Variants in NREP observed in about 807,000 individuals in gnomAD.
NREP encodes neuronal regeneration-related protein.
In NREP, 5 loss-of-function variants were observed where a neutral mutation model predicts 8.6. That is an observed-to-expected ratio of 0.58 (90% CI 0.30 to 1.22). The LOEUF is 1.22. Among genes scored for constraint, NREP ranks in the 50% most tolerant of loss-of-function variants. The probability of loss-of-function intolerance (pLI) is 0.07; values close to 1 mark genes in which losing one functional copy is unlikely to be tolerated. For missense variants in NREP, 86 were observed against 82.5 expected (o/e 1.04, Z -0.17); for synonymous variants, 27 against 28.0 (o/e 0.96, Z 0.11).
chr5:111,923,256 A>G (rs1755295741), intron 2 of NREP, among the ~76,000 whole-genome samples: 1 of 152,202 alleles, frequency 6.6e-6, no homozygotes, highest in African/African-American at 2.4e-5. Context: ...ATACTTTTAA[A>G]GATTCAGGGT....
At chr5:111,755,492 T>C in intron 2 of NREP, 1 of 436,434 alleles carries the variant, frequency 2.3e-6, no homozygotes, top group East Asian at 4.2e-5. Context: ...AAGAACCGAA[T>C]AGTTTCTGTT....
chr5:111,793,729 T>C (rs1397679923), intron 2 of NREP, among the ~76,000 whole-genome samples: 1 of 152,176 alleles, frequency 6.6e-6, no homozygotes, highest in Non-Finnish European at 1.5e-5. Context: ...TTACGCTCAA[T>C]GAATGCTAAG....
intron 1 of NREP, among the ~76,000 whole-genome samples, chr5:111,976,539 C>T (rs867682157): frequency 1.8e-4 from 28 of 152,266 alleles, no homozygotes; most frequent in African/African-American, 3.4e-4. Flanking sequence ...AATAAATGAA[C>T]GAATTACATA....
chr5:111,818,608 A>C (rs1286416389), intron 2 of NREP, among the ~76,000 whole-genome samples: 5 of 152,252 alleles, frequency 3.3e-5, no homozygotes, highest in Admixed American at 2.6e-4. Flanking sequence ...ACTCTGAAGA[A>C]GAGATATTGG....
At chr5:111,914,622 C>G (rs115835812) in intron 2 of NREP, among the ~76,000 whole-genome samples, 1 of 151,900 alleles carries the variant, frequency 6.6e-6, no homozygotes, top group Non-Finnish European at 1.5e-5. Flanking sequence ...CTCCTTTTTT[C>G]GTTGTACTCT....
At chr5:111,733,432 G>A (rs1748795694) in intron 3 of NREP, 1 of 151,968 alleles carries the variant, frequency 6.6e-6, no homozygotes, top group Non-Finnish European at 1.5e-5. Flanking sequence ...TTCTCCCTAT[G>A]GAGTCCTGCA....
At chr5:111,881,041 G>A (rs1328789247) in intron 2 of NREP, among the ~76,000 whole-genome samples, 1 of 152,256 alleles carries the variant, frequency 6.6e-6, no homozygotes, top group Non-Finnish European at 1.5e-5. Context: ...CACTCGGGAA[G>A]CGTAAGAGAT....
chr5:111,753,242 G>A (rs1750477976), intron 2 of NREP, among the ~76,000 whole-genome samples: 1 of 151,222 alleles, frequency 6.6e-6, no homozygotes. Flanking sequence ...ACAACTTTAT[G>A]TAAATAGCAC....
chr5:111,731,683 C>T (rs1748595544), intron 3 of NREP: 1 of 152,274 alleles, frequency 6.6e-6, no homozygotes, highest in African/African-American at 2.4e-5. Flanking sequence ...GAAACCAAGG[C>T]CAGAAGAGAG....
chr5:111,848,342 T>C (rs1043483261), intron 2 of NREP, among the ~76,000 whole-genome samples: 2 of 152,216 alleles, frequency 1.3e-5, no homozygotes, highest in African/African-American at 4.8e-5. Flanking sequence ...CACAGACTAA[T>C]GCTAAAGCTT....
intron 2 of NREP, among the ~76,000 whole-genome samples, chr5:111,825,895 G>A (rs1012613423): frequency 2.0e-5 from 3 of 151,866 alleles, no homozygotes; most frequent in Non-Finnish European, 4.4e-5. Flanking sequence ...GTGGCACCTA[G>A]GTCATATGAC....
chr5:111,881,982 A>G (rs1754090005), intron 2 of NREP, among the ~76,000 whole-genome samples: 1 of 152,248 alleles, frequency 6.6e-6, no homozygotes, highest in Non-Finnish European at 1.5e-5. Flanking sequence ...TGGACAGAGA[A>G]TGACTTTGAC....
Position 111,929,052 on chromosome 5 carries a change from A to G in NREP, c.135+46222T>C, listed in dbSNP as rs536785189. Among the ~76,000 whole-genome samples, 276 of 152,280 alleles carry G rather than the reference A, an allele frequency of 1.8e-3. 1 individual carries two copies. The highest frequency in any genetic ancestry group is 6.0e-3 in the African/African-American group (250 of 41,558). On this transcript the variant is annotated intron_variant, in intron 2 of 3. Coordinates refer to the NREP transcript ENST00000395634. ...AGTGTTTTAGCAAATCAGTACTAAT[A>G]TGGTGGAATGGGTAACACTCTTCTC...
chr5:111,958,875 G>A (rs1756401500), intron 2 of NREP, among the ~76,000 whole-genome samples: 1 of 151,826 alleles, frequency 6.6e-6, no homozygotes, highest in African/African-American at 2.4e-5. Flanking sequence ...CACATAGCAA[G>A]ACATCAAAAA....
intron 2 of NREP, among the ~76,000 whole-genome samples, chr5:111,811,371 T>G (rs1752265595): frequency 1.3e-5 from 2 of 152,220 alleles, no homozygotes; most frequent in Non-Finnish European, 2.9e-5. Flanking sequence ...TTTTATGTGC[T>G]TGGTCAGCTG....
At chr5:111,923,771 TC>T (rs1755310407) in intron 2 of NREP, among the ~76,000 whole-genome samples, 2 of 152,202 alleles carry the variant, frequency 1.3e-5, no homozygotes, top group African/African-American at 4.8e-5. Context: ...TCATTCCCTT[TC>T]TTTCTGACAT....
At chr5:111,867,305 G>A (rs890657345) in intron 2 of NREP, among the ~76,000 whole-genome samples, 1 of 152,130 alleles carries the variant, frequency 6.6e-6, no homozygotes, top group African/African-American at 2.4e-5. Flanking sequence ...GCAAGGTCAG[G>A]TTCTGGCAAA....
At chr5:111,743,016 A>C (rs1431151984) in intron 2 of NREP, among the ~76,000 whole-genome samples, 1 of 152,176 alleles carries the variant, frequency 6.6e-6, no homozygotes, top group African/African-American at 2.4e-5. Flanking sequence ...TTTAATGGGC[A>C]ATTTTTCTTT....
chr5:111,957,498 G>T (rs754573272), intron 2 of NREP, among the ~76,000 whole-genome samples: 1 of 151,658 alleles, frequency 6.6e-6, no homozygotes, highest in African/African-American at 2.4e-5. Flanking sequence ...GAACTAGAAG[G>T]CATAGATAAC....
Sources: allele counts gnomAD v4.1 joint callset (sites outside exome capture counted in the v4.1 genomes callset), GRCh38; gene constraint gnomAD v4.1.1; transcripts MANE v1.5; gene names NCBI Gene and HGNC (gene_info 2026-07-23, HGNC 2026-07-21).